Variants in DNAJC1 observed in about 807,000 individuals in gnomAD.
The protein encoded by DNAJC1 is DnaJ heat shock protein family (Hsp40) member C1.
In DNAJC1, 58 loss-of-function variants were observed where a neutral mutation model predicts 76.6. That is an observed-to-expected ratio of 0.76 (90% CI 0.61 to 0.94). The LOEUF (loss-of-function observed/expected upper bound fraction) is 0.94, where lower values mean the gene tolerates loss of function less well. DNAJC1 is among the 40% of genes least tolerant of loss of function. DNAJC1 has a pLI of 0.00. For synonymous variants in DNAJC1, 258 were observed against 267.9 expected, an observed-to-expected ratio of 0.96 and a Z score of 0.36; for missense variants, 689 against 677.3, an observed-to-expected ratio of 1.02 and a Z score of -0.19.
intron 7 of DNAJC1, among the ~76,000 whole-genome samples, chr10:21,904,072 T>C (rs556345154): frequency 4.0e-4 from 61 of 152,298 alleles, no homozygotes; most frequent in African/African-American, 1.4e-3. Flanking sequence ...TGATAATTTA[T>C]ACAAAGTTGT....
At chr10:21,975,547 T>C (rs1384365256) in intron 1 of DNAJC1, among the ~76,000 whole-genome samples, 1 of 152,182 alleles carries the variant, frequency 6.6e-6, no homozygotes, top group Non-Finnish European at 1.5e-5. Context: ...TTAGCAACTC[T>C]GTTTACACAG....
At chr10:21,880,822 C>A (rs549051978) in intron 8 of DNAJC1, among the ~76,000 whole-genome samples, 15 of 152,178 alleles carry the variant, frequency 9.9e-5, no homozygotes, top group Non-Finnish European at 2.9e-5. Context: ...TATTCCCTGA[C>A]GAGAAAGTAA....
intron 7 of DNAJC1, among the ~76,000 whole-genome samples, chr10:21,892,486 AATAAAAT>A (rs1836476625): frequency 1.3e-5 from 2 of 151,984 alleles, no homozygotes; most frequent in African/African-American, 4.8e-5. Context: ...GAAAATAAAA[AATAAAAT>A]GGCAAACTTA....
chr10:21,944,117 C>A (rs1386406726), intron 1 of DNAJC1, among the ~76,000 whole-genome samples: 1 of 151,520 alleles, frequency 6.6e-6, no homozygotes. Flanking sequence ...GGAAAAGACA[C>A]TGGCATGGAA....
chr10:21,767,867 C>A (rs1000877491), intron 9 of DNAJC1, among the ~76,000 whole-genome samples: 2 of 152,072 alleles, frequency 1.3e-5, no homozygotes, highest in African/African-American at 2.4e-5. Flanking sequence ...CGGTGGCACA[C>A]GCCTGTAATC....
At chr10:21,829,245 C>T (rs149811691) in intron 8 of DNAJC1, among the ~76,000 whole-genome samples, 106 of 150,900 alleles carry the variant, frequency 7.0e-4, no homozygotes, top group African/African-American at 2.0e-3. Flanking sequence ...GATGGAGTCT[C>T]GCTTTGTCGC....
At chr10:21,770,206 A>C (rs1276654206) in intron 9 of DNAJC1, among the ~76,000 whole-genome samples, 1 of 152,106 alleles carries the variant, frequency 6.6e-6, no homozygotes, top group Non-Finnish European at 1.5e-5. Context: ...TGACCAAACT[A>C]ATATAACACT....
intron 3 of DNAJC1, among the ~76,000 whole-genome samples, chr10:21,924,367 C>T (rs1837087154): frequency 6.6e-6 from 1 of 152,148 alleles, no homozygotes; most frequent in African/African-American, 2.4e-5. Flanking sequence ...AACTAAAAAA[C>T]ACATTCAACT....
intron 7 of DNAJC1, among the ~76,000 whole-genome samples, chr10:21,889,172 G>C (rs982358614): frequency 6.6e-6 from 1 of 152,090 alleles, no homozygotes; most frequent in Non-Finnish European, 1.5e-5. Context: ...GAAGGCAAAG[G>C]GAGAACAGGT....
chr10:21,985,248 CTTTT>C (rs1190568148), intron 1 of DNAJC1, among the ~76,000 whole-genome samples: 13 of 136,102 alleles, frequency 9.6e-5, no homozygotes, highest in Admixed American at 9.0e-4. Flanking sequence ...CACTACCCTG[CTTTT>C]TTTTTTTTTT....
intron 1 of DNAJC1, among the ~76,000 whole-genome samples, chr10:21,968,339 T>C (rs1350143491): frequency 6.6e-6 from 1 of 152,142 alleles, no homozygotes; most frequent in Admixed American, 6.5e-5. Context: ...CCTTATAAGA[T>C]AAGGGCTTCT....
intron 9 of DNAJC1, among the ~76,000 whole-genome samples, chr10:21,786,770 C>A (rs1404838840): frequency 6.6e-6 from 1 of 152,060 alleles, no homozygotes. Context: ...TGTGCCTGGA[C>A]TAAAACGGGA....
intron 8 of DNAJC1, among the ~76,000 whole-genome samples, chr10:21,841,029 C>T (rs901846009): frequency 3.3e-5 from 5 of 152,144 alleles, no homozygotes; most frequent in Non-Finnish European, 5.9e-5. Flanking sequence ...ACAAATGGTG[C>T]TGGGAAAACT....
chr10:21,801,338 A>G (rs974029430), intron 9 of DNAJC1, among the ~76,000 whole-genome samples: 32 of 152,158 alleles, frequency 2.1e-4, no homozygotes, highest in African/African-American at 7.2e-4. Flanking sequence ...ATGAAGAGAC[A>G]CTTTTCAAAA....
At chr10:21,995,468 T>G (rs1372518120) in intron 1 of DNAJC1, among the ~76,000 whole-genome samples, 1 of 152,198 alleles carries the variant, frequency 6.6e-6, no homozygotes, top group African/African-American at 2.4e-5. Context: ...ATTTTAGAAT[T>G]CTAGTATTTG....
intron 7 of DNAJC1, among the ~76,000 whole-genome samples, chr10:21,903,732 C>A (rs1264770975): frequency 6.6e-6 from 1 of 152,084 alleles, no homozygotes; most frequent in Non-Finnish European, 1.5e-5. Context: ...ATGACCACAC[C>A]CAAATCCCTA....
chr10:21,899,512 T>G (rs1433139999), intron 7 of DNAJC1, among the ~76,000 whole-genome samples: 1 of 152,214 alleles, frequency 6.6e-6, no homozygotes, highest in East Asian at 1.9e-4. Flanking sequence ...CCTGCTGGCT[T>G]TGGAGTATAC....
In DNAJC1 at chr10:22,003,254, C is replaced by A; in HGVS notation, c.181G>T (p.Glu61Ter). 1 of 1,568,202 alleles carries A rather than the reference C, an allele frequency of 6.4e-7. No individual in the cohort carries two copies. The highest frequency in any genetic ancestry group is 8.6e-7 in the Non-Finnish European group (1 of 1,159,492). ...AACTGGTAGAAGTTGAGCTGCACCT[C>A]CTCCACTAAGTCAAACAACTCCAGG... The part of the protein sequence containing the change: ...GDLELFDLVE[E>*]VQLNFYQFLG... The change falls in exon 1 of 12, where the codon GAG (glutamate) becomes TAG (stop). Residue 61 changes from glutamate to a stop codon, truncating the protein, a stop_gained. Transcript: ENST00000376980. LOFTEE classifies it high-confidence loss of function.
At chr10:21,929,211 T>C (rs1590053547) in intron 1 of DNAJC1, 70 bp from the exon 2 acceptor site, 1 of 1,122,418 alleles carries the variant, frequency 8.9e-7, no homozygotes, top group South Asian at 1.4e-5. Context: ...CAGAACCTTG[T>C]TAAGATCTGA....
Sources: gnomAD v4.1 joint callset for allele counts (sites outside exome capture counted in the v4.1 genomes callset) on GRCh38, gnomAD v4.1.1 for gene constraint, MANE v1.5 for transcripts, NCBI Gene and HGNC (gene_info 2026-07-23, HGNC 2026-07-21) for gene names.